Variants in NUP210 observed in about 807,000 individuals in gnomAD.
NUP210 encodes nucleoporin 210, also known as nuclear pore membrane glycoprotein 210.
A neutral mutation model predicts 196.0 loss-of-function variants in NUP210; 151 were observed. That is an observed-to-expected ratio of 0.77 (90% CI 0.67 to 0.88). NUP210 has a LOEUF of 0.88. NUP210 is among the 40% of genes least tolerant of loss of function. The probability of loss-of-function intolerance (pLI) is 0.00; values close to 1 mark genes in which losing one functional copy is unlikely to be tolerated. For missense variants in NUP210, 2,314 were observed against 2,493.7 expected (o/e 0.93, Z 1.53); for synonymous variants, 1,070 against 1,052.7 (o/e 1.02, Z -0.32).
rs145576034 is a variant in NUP210, at chr3:13,328,895, G to A, written c.4162C>T (p.Gln1388Ter). ...ACGGCCACCAGGGCCTCCTTGTTCT[G>A]GGTGTGCAGGACAGGGCTCATGGAA... The part of the protein sequence containing the change: ...RVSMSPVLHT[Q>*]NKEALVAVPL... The change falls in exon 31 of 40, where the codon CAG (glutamine) becomes TAG (stop). Residue 1388 changes from glutamine to a stop codon, truncating the protein, a stop_gained. Coordinates refer to ENST00000254508, the MANE Select transcript of NUP210 (RefSeq NM_024923.4). LOFTEE classifies it high-confidence loss of function. 1.7e-5 allele frequency: 28 copies of A among 1,613,922 alleles called. No homozygotes were observed. The highest frequency in any genetic ancestry group is 4.0e-5 in the African/African-American group (3 of 74,898).
intron 35 of NUP210, 150 bp downstream of exon 35, chr3:13,322,042 TC>T: frequency 1.7e-6 from 2 of 1,147,950 alleles, no homozygotes; most frequent in Non-Finnish European, 1.2e-6. Flanking sequence ...TCCTCCCAAG[TC>T]CCCCTGGCGT....
chr3:13,418,502 T>C (rs2124972110), intron 1 of NUP210, among the ~76,000 whole-genome samples: 1 of 152,112 alleles, frequency 6.6e-6, no homozygotes, highest in East Asian at 1.9e-4. Context: ...TTTGGGAAGC[T>C]GAGGCAGGTG....
At position 13,316,301 on chromosome 3, in the gene NUP210, C is replaced by T. The variant is rs1696270318; in HGVS notation, c.*1380G>A. ...AGGCTCCTATTTACATCCAGGTTGT[C>T]AGTTTAAGCTCAAGTAATATGCAAG... is the stretch of plus-strand genomic sequence containing the variant. On this transcript the variant is annotated 3_prime_UTR_variant, in exon 40 of 40. Transcript: ENST00000254508. The T allele has an allele frequency of 6.6e-6, 1 of 152,264 alleles. No individual in the cohort carries two copies. The highest frequency in any genetic ancestry group is 1.5e-5 in the Non-Finnish European group (1 of 68,058). The allele number at this position is 152,264 out of a possible 1,614,324, so 9.4% of individuals were successfully genotyped here.
rs373373309 is a variant in NUP210, at chr3:13,413,242, C to T, written c.167+6818G>A. The stretch of plus-strand genomic sequence containing the variant: ...CAGCACTTTGGGAGGCCGAGACGGG[C>T]GGATCACGAGGTCAGGAGATCGAGA... On this transcript the variant is annotated intron_variant, in intron 1 of 39. Coordinates refer to ENST00000254508, the MANE Select transcript of NUP210 (RefSeq NM_024923.4). 9.9e-5 allele frequency among the ~76,000 whole-genome samples: 15 copies of T among 151,448 alleles called. No individual in the cohort carries two copies. The South Asian group carries it at 2.9e-3, about 30-fold the overall frequency.
chr3:13,330,828 A>C, intron 29 of NUP210, among the ~76,000 whole-genome samples, 194 bp from the exon 30 acceptor site: 1 of 152,182 alleles, frequency 6.6e-6, no homozygotes, highest in East Asian at 1.9e-4. Context: ...ACGGAAAAGT[A>C]ATTCAGAAAT....
At position 13,379,525 on chromosome 3, in the gene NUP210, G is replaced by A. The variant is rs771726506; in HGVS notation, c.976+38C>T. On this transcript the variant is annotated intron_variant, in intron 7 of 39. Transcript: ENST00000254508. The surrounding 1 kb of genome is among the most constrained non-coding windows in gnomAD (Gnocchi z 4.2). ...GACTTGACTTCCAAACAGCAGCTCCGCCATGCCTAAGAACACACAAGCCCA... is the reference window on the plus strand; with the variant it reads ...GACTTGACTTCCAAACAGCAGCTCCACCATGCCTAAGAACACACAAGCCCA... The A allele has an allele frequency of 7.4e-6, 12 of 1,612,676 alleles. No individual in the cohort carries two copies. The South Asian group carries it at 7.7e-5, about 10-fold the overall frequency.
At chr3:13,410,497 A>G (rs1700134053) in intron 1 of NUP210, among the ~76,000 whole-genome samples, 1 of 149,838 alleles carries the variant, frequency 6.7e-6, no homozygotes, top group Non-Finnish European at 1.5e-5. Context: ...TTTTAAAAGC[A>G]CCACTGGGCC....
Position 13,413,141 on chromosome 3 carries a change from G to A in NUP210, c.167+6919C>T, listed in dbSNP as rs771258165. The stretch of plus-strand genomic sequence containing the variant: ...TTAGCCAGGCGTGTTGGCACATGCC[G>A]GTAGCCCCAGCTACTCAGGAGGATG... On this transcript the variant is annotated intron_variant, in intron 1 of 39. Coordinates refer to ENST00000254508, the MANE Select transcript of NUP210 (RefSeq NM_024923.4). Among the ~76,000 whole-genome samples the A allele has an allele frequency of 2.6e-5, 4 of 151,438 alleles. No individual in the cohort carries two copies. The East Asian group carries it at 7.8e-4, about 29-fold the overall frequency.
chr3:13,382,687 A>C (rs1302658596), intron 6 of NUP210, among the ~76,000 whole-genome samples: 1 of 152,238 alleles, frequency 6.6e-6, no homozygotes, highest in East Asian at 1.9e-4. Context: ...GAGCCCATGT[A>C]ACTGTCATCC....
Position 13,323,673 on chromosome 3 carries a change from C to T in NUP210, c.4645-241G>A, listed in dbSNP as rs545459449. Among the ~76,000 whole-genome samples, 4 of 152,342 alleles carry T rather than the reference C, an allele frequency of 2.6e-5. No individual in the cohort carries two copies. In the South Asian group the frequency reaches 8.3e-4, roughly 32 times the overall value. ...ACAAGCTGCTTCCCCCAGCAGCTGA[C>T]TGGACGCTGAGCAGCGGGCCTGAAT... On this transcript the variant is annotated intron_variant, in intron 33 of 39. Coordinates refer to ENST00000254508, the MANE Select transcript of NUP210 (RefSeq NM_024923.4). This position sits in a 1 kb window ranked among gnomAD's most constrained non-coding sequence, Gnocchi z 4.3.
chr3:13,364,645 A>G (rs939050392), intron 14 of NUP210, among the ~76,000 whole-genome samples: 2 of 152,068 alleles, frequency 1.3e-5, no homozygotes, highest in Non-Finnish European at 2.9e-5. Flanking sequence ...CCTCACTAAC[A>G]TGGAGAAACC....
At position 13,340,090 on chromosome 3, in the gene NUP210, C is replaced by T. The variant is rs1434366342; in HGVS notation, c.3292-57G>A. 2 of 1,602,962 alleles carry T rather than the reference C, an allele frequency of 1.2e-6. No individual in the cohort carries two copies. The highest frequency in any genetic ancestry group is 1.7e-5 in the Admixed American group (1 of 59,694). ...GCCCGTCATGCCAGGCAGCCCGCAC[C>T]TCCCACTCAGAGAGCCAGGGCCCCA... On this transcript the variant is annotated intron_variant, in intron 24 of 39. Transcript: ENST00000254508. This position sits in a 1 kb window ranked among gnomAD's most constrained non-coding sequence, Gnocchi z 4.0.
At chr3:13,363,340 A>G (rs1401786971) in intron 14 of NUP210, among the ~76,000 whole-genome samples, 1 of 152,224 alleles carries the variant, frequency 6.6e-6, no homozygotes, top group Non-Finnish European at 1.5e-5. Context: ...CACAACCAAT[A>G]AAACCCCACT....
chr3:13,360,433 A>T lies in NUP210; in HGVS notation c.1991T>A (p.Phe664Tyr), dbSNP rs766285119. ...GATCCAAGGTCTGGGACCTCCTTCAAACAGCATCTCCTTTGAGGAGCCCAG... is the reference window on the plus strand; with the variant it reads ...GATCCAAGGTCTGGGACCTCCTTCATACAGCATCTCCTTTGAGGAGCCCAG... Reference protein sequence around the residue: ...VTLGSSKEMLFEGGPRPWILE... With the variant: ...VTLGSSKEMLYEGGPRPWILE... The change falls in exon 15 of 40, where the codon TTT becomes TAT. Residue 664 changes from phenylalanine to tyrosine, a missense_variant. Transcript: ENST00000254508. 6.2e-7 allele frequency: 1 copy of T among 1,613,910 alleles called. No homozygotes were observed. The highest frequency in any genetic ancestry group is 1.3e-5 in the African/African-American group (1 of 75,056).
intron 36 of NUP210, among the ~76,000 whole-genome samples, chr3:13,320,243 T>C (rs1307542356): frequency 6.6e-6 from 1 of 152,188 alleles, no homozygotes; most frequent in African/African-American, 2.4e-5. Context: ...GGAAGCCCTG[T>C]CCATACTCAG....
At chr3:13,330,799 G>C (rs935364309) in intron 29 of NUP210, among the ~76,000 whole-genome samples, 165 bp from the exon 30 acceptor site, 2 of 152,168 alleles carry the variant, frequency 1.3e-5, no homozygotes, top group African/African-American at 4.8e-5. Flanking sequence ...TCAGTTGTCT[G>C]AGGCTTCATC....
Position 13,340,305 on chromosome 3 carries a change from A to G in NUP210, c.3229-7T>C, listed in dbSNP as rs1259343871. ...GCCTGAACGGGGGAAAGACCTGTTGAGAGACACAGGAGAGAAAGGACTACT... is the reference window on the plus strand; with the variant it reads ...GCCTGAACGGGGGAAAGACCTGTTGGGAGACACAGGAGAGAAAGGACTACT... On this transcript the variant is annotated splice_region_variant and splice_polypyrimidine_tract_variant and intron_variant, in intron 23 of 39. Coordinates refer to ENST00000254508, the MANE Select transcript of NUP210 (RefSeq NM_024923.4). The surrounding 1 kb of genome is among the most constrained non-coding windows in gnomAD (Gnocchi z 4.0). The G allele has an allele frequency of 3.7e-6, 6 of 1,613,172 alleles. No individual in the cohort carries two copies. The highest frequency in any genetic ancestry group is 4.2e-6 in the Non-Finnish European group (5 of 1,179,852).
chr3:13,410,358 A>G (rs1700128005), intron 1 of NUP210, among the ~76,000 whole-genome samples: 1 of 150,782 alleles, frequency 6.6e-6, no homozygotes, highest in African/African-American at 2.4e-5. Context: ...TTGTATTTTT[A>G]GCAGAAATGA....
Position 13,352,013 on chromosome 3 carries a change from G to T in NUP210, c.2734-33C>A, listed in dbSNP as rs6774075. The T allele has an allele frequency of 6.6e-4, 1,056 of 1,602,980 alleles. 8 individuals are homozygous for T. In the African/African-American group the frequency reaches 0.013, roughly 20 times the overall value. On this transcript the variant is annotated intron_variant, in intron 19 of 39. Transcript: ENST00000254508. ...AGGCAGATGCAGGGAGGGTTGGGCC[G>T]CATGTGGGAGGGCGAGGAGTCCCCC...
Sources: allele counts gnomAD v4.1 joint callset (sites outside exome capture counted in the v4.1 genomes callset), GRCh38; gene constraint gnomAD v4.1.1; non-coding constraint Gnocchi (gnomAD v3.1); transcripts MANE v1.5; gene names NCBI Gene and HGNC (gene_info 2026-07-23, HGNC 2026-07-21).